The following ACTR3C variants were observed in gnomAD, a reference collection of about 807,000 sequenced individuals.
ACTR3C encodes actin related protein 3C.
Under a neutral mutation model 26.3 loss-of-function variants are expected in ACTR3C, and 18 were observed. The ratio of observed to expected loss-of-function variants is 0.68; its 90% confidence interval spans 0.47 to 1.01. The LOEUF (loss-of-function observed/expected upper bound fraction) is 1.01, where lower values mean the gene tolerates loss of function less well. ACTR3C is among the 50% of genes least tolerant of loss of function. ACTR3C has a pLI of 0.00. For synonymous variants in ACTR3C, 55 were observed against 94.5 expected (o/e 0.58, Z 2.42); for missense variants, 184 against 250.7 (o/e 0.73, Z 1.80).
chr7:150,229,798 A>C, the ACTR3C span, among the ~76,000 whole-genome samples: 3 of 151,548 alleles, frequency 2.0e-5, no homozygotes. Flanking sequence ...GCCCAGCCTT[A>C]GAGTGATTAC....
the ACTR3C span, among the ~76,000 whole-genome samples, chr7:150,082,619 T>C: frequency 6.6e-6 from 1 of 152,270 alleles, no homozygotes; most frequent in South Asian, 2.1e-4. Context: ...GTTCCATGGA[T>C]ATGCATAATA....
At chr7:150,134,514 T>C in the ACTR3C span, among the ~76,000 whole-genome samples, 1 of 134,818 alleles carries the variant, frequency 7.4e-6, no homozygotes, top group Non-Finnish European at 1.6e-5. Flanking sequence ...TGCACAAACA[T>C]GAACACGTGC....
the ACTR3C span, among the ~76,000 whole-genome samples, chr7:150,038,344 T>C: frequency 1.4e-5 from 2 of 143,684 alleles, no homozygotes; most frequent in South Asian, 2.1e-4. Flanking sequence ...GCTGCCATCT[T>C]TTCTCTCTCT....
chr7:150,248,276 C>T (rs949767829), intron 7 of ACTR3C: 1 of 152,162 alleles, frequency 6.6e-6, no homozygotes, highest in Non-Finnish European at 1.5e-5. Flanking sequence ...TTCTGCTCTC[C>T]CTTCCCTCCC....
At chr7:150,082,864 A>G in the ACTR3C span, among the ~76,000 whole-genome samples, 2 of 151,920 alleles carry the variant, frequency 1.3e-5, no homozygotes, top group Non-Finnish European at 2.9e-5. Flanking sequence ...ATGGAAGCAC[A>G]GGATCACCCT....
chr7:150,108,034 C>A, the ACTR3C span, among the ~76,000 whole-genome samples: 2 of 151,270 alleles, frequency 1.3e-5, no homozygotes, highest in Non-Finnish European at 3.0e-5. Flanking sequence ...CAATGAACAT[C>A]TGATAGCCTG....
chr7:149,973,749 C>T, the ACTR3C span, among the ~76,000 whole-genome samples: 1 of 151,856 alleles, frequency 6.6e-6, no homozygotes, highest in East Asian at 1.9e-4. Context: ...TAAATAACCC[C>T]AACGTGTCTT....
the ACTR3C span, among the ~76,000 whole-genome samples, chr7:150,047,447 C>T: frequency 6.6e-6 from 1 of 152,086 alleles, no homozygotes; most frequent in Admixed American, 6.5e-5. Flanking sequence ...CGGCGATGAC[C>T]GCGATCTGGC....
At chr7:150,104,598 T>A in the ACTR3C span, among the ~76,000 whole-genome samples, 1 of 151,322 alleles carries the variant, frequency 6.6e-6, no homozygotes, top group African/African-American at 2.4e-5. Flanking sequence ...TGTTAACTCA[T>A]CCATGGCAAC....
the ACTR3C span, among the ~76,000 whole-genome samples, chr7:149,893,976 G>A: frequency 6.6e-6 from 1 of 152,096 alleles, no homozygotes; most frequent in African/African-American, 2.4e-5. Context: ...AACAGTCAAG[G>A]GAATCTTAAG....
the ACTR3C span, chr7:149,881,740 G>C: frequency 6.5e-6 from 1 of 152,710 alleles, no homozygotes; most frequent in Non-Finnish European, 1.5e-5. Flanking sequence ...AGTTCACGGG[G>C]TGGGTGGGTG....
chr7:150,198,899 G>T, the ACTR3C span, among the ~76,000 whole-genome samples: 1 of 147,540 alleles, frequency 6.8e-6, no homozygotes, highest in Non-Finnish European at 1.5e-5. Flanking sequence ...GAGCCCCTCT[G>T]CCCAGCCAGC....
the ACTR3C span, among the ~76,000 whole-genome samples, chr7:149,899,665 A>G: frequency 6.6e-6 from 1 of 151,114 alleles, no homozygotes; most frequent in African/African-American, 2.4e-5. Flanking sequence ...AAGATTTAGC[A>G]TTTGTGGATT....
chr7:149,907,474 T>TTCC, the ACTR3C span, among the ~76,000 whole-genome samples: 1 of 80,664 alleles, frequency 1.2e-5, no homozygotes. Flanking sequence ...TTGCCTCTCT[T>TTCC]CTCTTCTCTC....
At chr7:149,990,185 A>T in the ACTR3C span, among the ~76,000 whole-genome samples, 1 of 151,962 alleles carries the variant, frequency 6.6e-6, no homozygotes, top group Non-Finnish European at 1.5e-5. Flanking sequence ...TGCACCCTTC[A>T]TTCCCAGCCC....
At chr7:149,958,819 T>C in the ACTR3C span, among the ~76,000 whole-genome samples, 1 of 152,186 alleles carries the variant, frequency 6.6e-6, no homozygotes, top group Non-Finnish European at 1.5e-5. Flanking sequence ...GGAAGCAGAC[T>C]GGGAGCAGAA....
the ACTR3C span, among the ~76,000 whole-genome samples, chr7:150,229,505 G>A: frequency 6.6e-6 from 1 of 151,428 alleles, no homozygotes; most frequent in Non-Finnish European, 1.5e-5. Flanking sequence ...TTATTTTTGA[G>A]ATTGAGTTTC....
the ACTR3C span, among the ~76,000 whole-genome samples, chr7:150,144,876 C>T: frequency 3.9e-5 from 6 of 151,970 alleles, no homozygotes; most frequent in Admixed American, 3.9e-4. This position sits in a 1 kb window ranked among gnomAD's most constrained non-coding sequence, Gnocchi z 4.6. Flanking sequence ...AGTGAAACCC[C>T]GTCTCTACTA....
the ACTR3C span, among the ~76,000 whole-genome samples, chr7:149,907,474 TCTCTTCTCTCTCTCTCTC>T: frequency 3.7e-5 from 3 of 80,664 alleles, no homozygotes; most frequent in South Asian, 4.6e-4. Context: ...TTGCCTCTCT[TCTCTTCTCTCTCTCTCTC>T]TCTCTCTCTC....
Sources: gnomAD v4.1 joint callset for allele counts (sites outside exome capture counted in the v4.1 genomes callset) on GRCh38, gnomAD v4.1.1 for gene constraint, Gnocchi (gnomAD v3.1) non-coding constraint, MANE v1.5 for transcripts, NCBI Gene and HGNC (gene_info 2026-07-23, HGNC 2026-07-21) for gene names.